Variants in CCDC136 observed in about 807,000 individuals in gnomAD.
CCDC136 encodes the protein coiled-coil domain-containing protein 136.
A neutral mutation model predicts 141.2 loss-of-function variants in CCDC136; 100 were observed. That is an observed-to-expected ratio of 0.71 (90% confidence interval 0.60 to 0.84). The LOEUF (loss-of-function observed/expected upper bound fraction) is 0.84. Among genes scored for constraint, CCDC136 ranks in the 40% least tolerant of loss-of-function variants. The pLI, the probability that CCDC136 is intolerant of heterozygous loss-of-function variation, is 0.00. For synonymous variants in CCDC136, 474 were observed against 531.9 expected, an observed-to-expected ratio of 0.89 and a Z score of 1.50; for missense variants, 1,206 against 1,379.4, an observed-to-expected ratio of 0.87 and a Z score of 1.99.
intron 3 of CCDC136, among the ~76,000 whole-genome samples, chr7:128,800,267 A>C (rs142255691): frequency 1.1e-4 from 16 of 152,280 alleles, no homozygotes; most frequent in Non-Finnish European, 1.9e-4. Context: ...TATTCTATTT[A>C]ACTATCATCA....
In CCDC136 at chr7:128,792,736, G is replaced by T. The variant is rs529093358; in HGVS notation, c.16+309G>T. On this transcript the variant is annotated intron_variant, in intron 1 of 17. Coordinates refer to ENST00000297788, the MANE Select transcript of CCDC136 (RefSeq NM_022742.5). ...GAAGCAGCCTTTCAGCAGGGGGTTT[G>T]TCCTCACTGCCTGCCGACCCAGATC... Among the ~76,000 whole-genome samples, 128 of 152,328 alleles carry T rather than the reference G, an allele frequency of 8.4e-4. 1 individual carries two copies. Among genetic ancestry groups the T allele is most frequent in the African/African-American group, 3.0e-3 (124 of 41,546 alleles).
chr7:128,810,511 T>C lies in CCDC136; in HGVS notation c.2028+145T>C, dbSNP rs1805557250. ...CAAAAGCCCTGCCTTTCACCAGCTG[T>C]GACCACTCACAGGCTCCATTAAGAG... On this transcript the variant is annotated intron_variant, in intron 12 of 17. Transcript: ENST00000297788. 6.4e-6 allele frequency: 4 copies of C among 627,302 alleles called. No individual in the cohort carries two copies. In the South Asian group the frequency reaches 7.9e-5, roughly 12 times the overall value. 38.9% of individuals were successfully genotyped at this position (627,302 alleles called of 1,614,324 possible).
At position 128,812,874 on chromosome 7, in the gene CCDC136, A is replaced by G. The variant is rs1260558570; in HGVS notation, c.2708A>G (p.Lys903Arg). ...EELDACEREF[K>R]ECMECLEKPM... Reference sequence around the variant, plus strand: ...CTGGATGCCTGTGAAAGGGAGTTCAAGGAGTGCATGGAATGCCTTGAAAAG... The same window carrying G: ...CTGGATGCCTGTGAAAGGGAGTTCAGGGAGTGCATGGAATGCCTTGAAAAG... The change falls in exon 14 of 18, where the codon AAG becomes AGG. Residue 903 changes from lysine (K) to arginine (R), a missense_variant. Physicochemically the swap from Lys to Arg is conservative, Grantham distance 26 (BLOSUM62 2). Transcript: ENST00000297788. The G allele has an allele frequency of 6.2e-7, 1 of 1,613,064 alleles. No homozygotes were observed. Among genetic ancestry groups the G allele is most frequent in the Non-Finnish European group, 8.5e-7 (1 of 1,179,562 alleles).
At position 128,814,810 on chromosome 7, in the gene CCDC136, G is replaced by T. The variant is rs199650087; in HGVS notation, c.2936G>T (p.Arg979Leu). The T allele has an allele frequency of 1.2e-6, 2 of 1,611,580 alleles. No individual in the cohort carries two copies. The highest frequency in any genetic ancestry group is 1.7e-6 in the Non-Finnish European group (2 of 1,178,862). The stretch of plus-strand genomic sequence containing the variant: ...AGGCCTTCTGTTGTCAAAGAAGCCC[G>T]GGGGAAGAATGCTAATAAGAACATG... ...EKRPSVVKEA[R>L]GKNANKNMNK... The change falls in exon 15 of 18, where the codon CGG (arginine) becomes CTG (leucine). Residue 979 changes from arginine (R) to leucine (L), a missense_variant. Coordinates refer to ENST00000297788, the MANE Select transcript of CCDC136 (RefSeq NM_022742.5).
Position 128,805,515 on chromosome 7 carries a change from G to A in CCDC136, c.939G>A (p.Met313Ile). 6.2e-7 allele frequency: 1 copy of A among 1,609,376 alleles called. No individual in the cohort carries two copies. The highest frequency in any genetic ancestry group is 2.2e-5 in the East Asian group (1 of 44,846). ...LRDAEEQMHG[M>I]KNKCQELCCE... is the part of the protein sequence containing the mutation. ...ATGCTGAAGAGCAGATGCATGGCAT[G>A]AAGAACAAGGTAGGGCACAGAGGGT... is the stretch of plus-strand genomic sequence containing the variant. The change falls in exon 6 of 18, where the codon ATG becomes ATA. Residue 313 changes from methionine to isoleucine, a missense_variant. Transcript: ENST00000297788. The surrounding 1 kb of genome is among the most constrained non-coding windows in gnomAD (Gnocchi z 4.6).
At chr7:128,795,488 A>C (rs1215830185) in intron 3 of CCDC136, among the ~76,000 whole-genome samples, 1 of 151,938 alleles carries the variant, frequency 6.6e-6, no homozygotes, top group East Asian at 1.9e-4. Flanking sequence ...TAAATGGAGA[A>C]AAAAAAGGAA....
intron 1 of CCDC136, among the ~76,000 whole-genome samples, chr7:128,793,616 T>G (rs1406624103): frequency 2.0e-5 from 3 of 152,208 alleles, no homozygotes; most frequent in Admixed American, 1.3e-4. Flanking sequence ...TTTTTGTTTG[T>G]TTGTTTGTTT....
intron 17 of CCDC136, chr7:128,818,185 C>T (rs894073253): frequency 3.3e-6 from 1 of 305,564 alleles, no homozygotes; most frequent in Non-Finnish European, 6.1e-6. Flanking sequence ...TTCTTTATCC[C>T]CGCTCATCCT....
chr7:128,806,239 T>C lies in CCDC136; in HGVS notation c.1092T>C (p.Asn364=). 6.4e-7 allele frequency: 1 copy of C among 1,560,294 alleles called. No individual in the cohort carries two copies. The highest frequency in any genetic ancestry group is 8.7e-7 in the Non-Finnish European group (1 of 1,149,702). Residue 364 remains asparagine (N), a splice_region_variant and synonymous_variant, in exon 8 of 18, where the codon AAT becomes AAC. Coordinates refer to ENST00000297788, the MANE Select transcript of CCDC136 (RefSeq NM_022742.5). ...TACTCACATCCTCCCTACCACAGAA[T>C]GAGGAGCTGAAGTCCAGACTCTGTA... is the stretch of plus-strand genomic sequence containing the variant. ...RFQTSHSVTQ[N]EELKSRLCTL...
At chr7:128,804,823 G>A (rs2128908729) in intron 5 of CCDC136, 62 bp downstream of exon 5, 1 of 1,088,758 alleles carries the variant, frequency 9.2e-7, no homozygotes, top group East Asian at 2.6e-5. Flanking sequence ...CTTACCTTGG[G>A]CTTTCCCTGA....
intron 14 of CCDC136, among the ~76,000 whole-genome samples, 155 bp from the exon 15 acceptor site, chr7:128,814,483 C>T (rs2307036): frequency 1.3e-5 from 2 of 151,992 alleles, no homozygotes; most frequent in African/African-American, 2.4e-5. Flanking sequence ...CATTTTCCAC[C>T]GTTGAATATT....
Position 128,812,167 on chromosome 7 carries a change from C to A in CCDC136, c.2396C>A (p.Ala799Asp). Residue 799 changes from alanine (A) to aspartate (D), a missense_variant, in exon 13 of 18, where the codon GCC becomes GAC. Coordinates refer to ENST00000297788, the MANE Select transcript of CCDC136 (RefSeq NM_022742.5). ...SYDSSTSASEAYGKSYCTTSN... is the reference protein window; with the variant it reads ...SYDSSTSASEDYGKSYCTTSN... The stretch of plus-strand genomic sequence containing the variant: ...GACAGCAGCACCAGTGCCAGTGAGG[C>A]CTATGGGAAGAGTTACTGCACTACC... 1 of 1,613,982 alleles carries A rather than the reference C, an allele frequency of 6.2e-7. No homozygotes were observed. Among genetic ancestry groups the A allele is most frequent in the Non-Finnish European group, 8.5e-7 (1 of 1,179,882 alleles).
chr7:128,810,329 C>G lies in CCDC136; in HGVS notation c.1991C>G (p.Ser664Cys). ...FQEVLENPDD[S>C]KLAKSSKCNR... ...GAAGTGTTGGAGAATCCCGATGATT[C>G]CAAATTGGCTAAGTCCTCCAAATGT... Residue 664 changes from serine (S) to cysteine (C), a missense_variant, in exon 12 of 18, where the codon TCC becomes TGC. Physicochemically the swap from Ser to Cys is moderately radical, Grantham distance 112 (BLOSUM62 -1). Coordinates refer to ENST00000297788, the MANE Select transcript of CCDC136 (RefSeq NM_022742.5). 3.7e-6 allele frequency: 6 copies of G among 1,613,852 alleles called. No homozygotes were observed. Among genetic ancestry groups the G allele is most frequent in the Non-Finnish European group, 5.1e-6 (6 of 1,179,822 alleles).
rs1585045619 is a variant in CCDC136 at position 128,794,177 on chromosome 7, T to C, written c.17-171T>C. The stretch of plus-strand genomic sequence containing the variant: ...GAGGGGCTGCTTCTCAACTTGACTC[T>C]CACACCTGAGGACTCATCTTGAGTA... On this transcript the variant is annotated intron_variant, in intron 1 of 17. Transcript: ENST00000297788. The surrounding 1 kb of genome is among the most constrained non-coding windows in gnomAD (Gnocchi z 4.3). The C allele has an allele frequency of 5.9e-6, 5 of 843,596 alleles. No homozygotes were observed. The East Asian group carries it at 1.3e-4, about 23-fold the overall frequency. The allele number at this position is 843,596 out of a possible 1,614,324, so 52.3% of individuals were successfully genotyped here.
chr7:128,817,849 C>T lies in CCDC136; in HGVS notation c.3455C>T (p.Thr1152Met), dbSNP rs750393533. 8 of 1,613,508 alleles carry T rather than the reference C, an allele frequency of 5.0e-6. No homozygotes were observed. Among genetic ancestry groups the T allele is most frequent in the South Asian group, 3.3e-5 (3 of 91,070 alleles). The change falls in exon 17 of 18, where the codon ACG (threonine) becomes ATG (methionine). Residue 1152 changes from threonine to methionine, a missense_variant. Physicochemically the swap from Thr to Met is moderately conservative, Grantham distance 81 (BLOSUM62 -1). Coordinates refer to ENST00000297788, the MANE Select transcript of CCDC136 (RefSeq NM_022742.5). This position sits in a 1 kb window ranked among gnomAD's most constrained non-coding sequence, Gnocchi z 4.6. Reference sequence around the variant, plus strand: ...TTGCTCTGGTGCTGGTGGGCTGAGACGTCGTCCTAATGCAGGTACTGGTAT... The same window carrying T: ...TTGCTCTGGTGCTGGTGGGCTGAGATGTCGTCCTAATGCAGGTACTGGTAT... The part of the protein sequence containing the change: ...SALLWCWWAE[T>M]SS
In CCDC136 at chr7:128,810,282, T is replaced by G; in HGVS notation, c.1944T>G (p.Arg648=). ...EQLEIHEELR[R]FKESHFQEVL... is the part of the protein sequence containing the mutation. Reference sequence around the variant, plus strand: ...TAGAGATCCACGAAGAGCTGCGACGTTTCAAAGAGTCTCATTTCCAGGAAG... The same window carrying G: ...TAGAGATCCACGAAGAGCTGCGACGGTTCAAAGAGTCTCATTTCCAGGAAG... The change falls in exon 12 of 18, where the codon CGT becomes CGG. Residue 648 remains arginine (R), a synonymous_variant. Coordinates refer to ENST00000297788, the MANE Select transcript of CCDC136 (RefSeq NM_022742.5). 1 of 1,613,964 alleles carries G rather than the reference T, an allele frequency of 6.2e-7. No individual in the cohort carries two copies.
Position 128,812,096 on chromosome 7 carries a change from T to A in CCDC136, c.2325T>A (p.Ser775Arg). Residue 775 changes from serine to arginine, a missense_variant, in exon 13 of 18, where the codon AGT becomes AGA. Coordinates refer to ENST00000297788, the MANE Select transcript of CCDC136 (RefSeq NM_022742.5). ...TVDDNESYYK[S>R]YTSTQTSSKS... ...ATGACAATGAGAGCTATTACAAGAGTTACACCAGCACCCAGACCAGCAGCA... is the reference window on the plus strand; with the variant it reads ...ATGACAATGAGAGCTATTACAAGAGATACACCAGCACCCAGACCAGCAGCA... The A allele has an allele frequency of 6.2e-7, 1 of 1,613,818 alleles. No homozygotes were observed. Among genetic ancestry groups the A allele is most frequent in the Non-Finnish European group, 8.5e-7 (1 of 1,179,858 alleles).
intron 14 of CCDC136, among the ~76,000 whole-genome samples, chr7:128,813,247 A>G (rs944671482): frequency 1.3e-5 from 2 of 152,086 alleles, no homozygotes; most frequent in Non-Finnish European, 2.9e-5. Context: ...TTTTGTGTGC[A>G]TTTGCCTTGT....
intron 12 of CCDC136, among the ~76,000 whole-genome samples, chr7:128,811,588 G>A (rs1805720295): frequency 6.6e-6 from 1 of 152,212 alleles, no homozygotes; most frequent in Non-Finnish European, 1.5e-5. Context: ...AAATCATGGA[G>A]TATCTGCCCT....
Sources: allele counts gnomAD v4.1 joint callset (sites outside exome capture counted in the v4.1 genomes callset), GRCh38; gene constraint gnomAD v4.1.1; non-coding constraint Gnocchi (gnomAD v3.1); transcripts MANE v1.5; gene names NCBI Gene and HGNC (gene_info 2026-07-23, HGNC 2026-07-21).